Variants in NRP1 observed in about 807,000 individuals in gnomAD.
NRP1 encodes the protein neuropilin 1.
A neutral mutation model predicts 106.7 loss-of-function variants in NRP1; 35 were observed. That is an observed-to-expected ratio of 0.33 (90% CI 0.25 to 0.43). The LOEUF is 0.43. NRP1 is among the 20% of genes least tolerant of loss of function. The pLI is 1.00. For synonymous variants in NRP1, 437 were observed against 417.9 expected, an observed-to-expected ratio of 1.05 and a Z score of -0.56; for missense variants, 1,024 against 1,170.4, an observed-to-expected ratio of 0.87 and a Z score of 1.83.
intron 6 of NRP1, among the ~76,000 whole-genome samples, chr10:33,247,428 T>G (rs1841504625): frequency 6.6e-6 from 1 of 152,102 alleles, no homozygotes; most frequent in African/African-American, 2.4e-5. Flanking sequence ...GACAGAGCCA[T>G]TTTGGAAGTT....
chr10:33,205,391 C>T (rs1022018407), intron 10 of NRP1: 5 of 152,200 alleles, frequency 3.3e-5, no homozygotes, highest in Admixed American at 2.6e-4. Context: ...TCTAACTTCC[C>T]AATGAGTCCT....
At chr10:33,242,107 GT>G (rs1263106199) in intron 6 of NRP1, among the ~76,000 whole-genome samples, 2 of 151,956 alleles carry the variant, frequency 1.3e-5, no homozygotes, top group Non-Finnish European at 2.9e-5. Context: ...GCATATAGAG[GT>G]TGAATCCCAA....
In NRP1 at chr10:33,334,360, A is replaced by G; in HGVS notation, c.23T>C (p.Leu8Pro). 1 of 1,546,510 alleles carries G rather than the reference A, an allele frequency of 6.5e-7. No individual in the cohort carries two copies. Among genetic ancestry groups the G allele is most frequent in the Non-Finnish European group, 8.7e-7 (1 of 1,147,370 alleles). Residue 8 changes from leucine to proline, a missense_variant, in exon 1 of 17, where the codon CTC (leucine) becomes CCC (proline). Coordinates refer to ENST00000374867, the MANE Select transcript of NRP1 (RefSeq NM_003873.7). MERGLPL[L>P]CAVLALVLAP... is the part of the protein sequence containing the mutation. Reference sequence around the variant, plus strand: ...GAGGACGAGGGCGAGCACGGCGCAGAGGAGCGGCAGCCCCCTCTCCATTCT... The same window carrying G: ...GAGGACGAGGGCGAGCACGGCGCAGGGGAGCGGCAGCCCCCTCTCCATTCT...
At chr10:33,257,638 A>C (rs542502666) in intron 4 of NRP1, among the ~76,000 whole-genome samples, 273 of 36,736 alleles carry the variant, frequency 7.4e-3, no homozygotes, top group Non-Finnish European at 0.011. Context: ...AAAACACACA[A>C]AAAAAACAAC....
At chr10:33,233,208 C>A (rs1351393609) in intron 6 of NRP1, among the ~76,000 whole-genome samples, 1 of 152,112 alleles carries the variant, frequency 6.6e-6, no homozygotes, top group African/African-American at 2.4e-5. Flanking sequence ...TTCCTCACCA[C>A]TTCTAGGGGT....
chr10:33,199,811 C>A (rs145129104), intron 11 of NRP1, among the ~76,000 whole-genome samples: 169 of 152,250 alleles, frequency 1.1e-3, no homozygotes, highest in African/African-American at 3.8e-3. Flanking sequence ...CCAATAATAT[C>A]ATTCAGTAAA....
At chr10:33,262,422 G>T (rs1297789673) in intron 4 of NRP1, among the ~76,000 whole-genome samples, 2 of 151,884 alleles carry the variant, frequency 1.3e-5, no homozygotes, top group African/African-American at 4.8e-5. Context: ...TCTAACCTCG[G>T]CCAGGCATGG....
At chr10:33,257,526 A>G (rs548786396) in intron 4 of NRP1, among the ~76,000 whole-genome samples, 26 of 152,266 alleles carry the variant, frequency 1.7e-4, no homozygotes, top group African/African-American at 6.3e-4. Context: ...AATCCCAGCT[A>G]CTGGGGAGGC....
intron 2 of NRP1, among the ~76,000 whole-genome samples, chr10:33,321,031 G>A (rs1262481815): frequency 4.6e-5 from 7 of 152,086 alleles, no homozygotes; most frequent in East Asian, 1.9e-4. Context: ...GTGATGTCCC[G>A]GCTAGAGTGC....
chr10:33,264,604 T>C (rs1842794661), intron 3 of NRP1, among the ~76,000 whole-genome samples: 1 of 152,156 alleles, frequency 6.6e-6, no homozygotes, highest in Non-Finnish European at 1.5e-5. Context: ...AATAGATGTG[T>C]GTGTGTGTGT....
chr10:33,234,653 T>C (rs1840420451), intron 6 of NRP1, among the ~76,000 whole-genome samples: 1 of 151,950 alleles, frequency 6.6e-6, no homozygotes, highest in Non-Finnish European at 1.5e-5. Context: ...AAAATTAGGG[T>C]AAAGAATAAA....
At chr10:33,259,322 G>T (rs1426915677) in intron 4 of NRP1, among the ~76,000 whole-genome samples, 2 of 152,064 alleles carry the variant, frequency 1.3e-5, no homozygotes, top group Non-Finnish European at 2.9e-5. Context: ...CTCAAGATAC[G>T]AGAGTGAAAG....
At position 33,257,807 on chromosome 10, in the gene NRP1, A is replaced by T. The variant is rs1186404973; in HGVS notation, c.659-1336T>A. The stretch of plus-strand genomic sequence containing the variant: ...TCCTGATCATCGACAAGCCACACAT[A>T]AAAAAGTCCCTTTTTTTTTTCTCTA... On this transcript the variant is annotated intron_variant, in intron 4 of 16. Coordinates refer to ENST00000374867, the MANE Select transcript of NRP1 (RefSeq NM_003873.7). Among the ~76,000 whole-genome samples, 4 of 152,254 alleles carry T rather than the reference A, an allele frequency of 2.6e-5. No homozygotes were observed. In the East Asian group the frequency reaches 5.8e-4, roughly 22 times the overall value.
At chr10:33,238,905 C>CTGTGTGTG (rs34194923) in intron 6 of NRP1, among the ~76,000 whole-genome samples, 3,038 of 148,696 alleles carry the variant, frequency 0.02, 39 homozygotes, top group African/African-American at 0.033. Context: ...GTGGGTGCCT[C>CTGTGTGTG]TGTGTGTGTG....
intron 4 of NRP1, among the ~76,000 whole-genome samples, chr10:33,261,597 C>A (rs994731618): frequency 6.6e-6 from 1 of 152,112 alleles, no homozygotes; most frequent in African/African-American, 2.4e-5. Context: ...TGTTAACTCA[C>A]CCATTTATTC....
At chr10:33,256,288 G>A in intron 5 of NRP1, 28 bp downstream of exon 5, 3 of 1,611,472 alleles carry the variant, frequency 1.9e-6, no homozygotes, top group Non-Finnish European at 2.5e-6. Context: ...ATTTACCACA[G>A]GGCTTTGCAA....
chr10:33,235,226 G>T (rs1436810232), intron 6 of NRP1, among the ~76,000 whole-genome samples: 4 of 152,204 alleles, frequency 2.6e-5, no homozygotes, highest in Admixed American at 6.5e-5. Context: ...GTTAAAACTG[G>T]CAAGTAGCAT....
chr10:33,195,490 G>C, intron 12 of NRP1: 1 of 533,354 alleles, frequency 1.9e-6, no homozygotes, highest in South Asian at 1.4e-5. Context: ...ACTCTGAGTT[G>C]AGTCTATAAT....
chr10:33,213,438 T>C lies in NRP1; in HGVS notation c.1562A>G (p.Asn521Ser). Residue 521 changes from asparagine (N) to serine (S), a missense_variant, in exon 9 of 17, where the codon AAC becomes AGC. This residue lies in a region of NRP1 where 562 missense variants were observed against 620.3 expected (regional missense o/e 0.91). Transcript: ENST00000374867. ...FMRKFKIGYS[N>S]NGSDWKMIMD... ...GATCATCTTCCAGTCCGAGCCGTTG[T>C]TGCTGTACCCGATCTTGAACTTCCT... 2 of 1,614,136 alleles carry C rather than the reference T, an allele frequency of 1.2e-6. No homozygotes were observed. The highest frequency in any genetic ancestry group is 1.7e-6 in the Non-Finnish European group (2 of 1,180,024).
Sources: gnomAD v4.1 joint callset for allele counts (sites outside exome capture counted in the v4.1 genomes callset) on GRCh38, gnomAD v4.1.1 for gene constraint, gnomAD v4.1.1 regional missense constraint, MANE v1.5 for transcripts, NCBI Gene and HGNC (gene_info 2026-07-23, HGNC 2026-07-21) for gene names.